Variants in CALHM4 observed in about 807,000 individuals in gnomAD.
The protein encoded by CALHM4 is calcium homeostasis modulator family member 4, also known as calcium homeostasis modulator protein 4.
Under a neutral mutation model 13.3 loss-of-function variants are expected in CALHM4, and 16 were observed. The observed-to-expected ratio is 1.20, with a 90% CI of 0.81 to 1.82. CALHM4 has a LOEUF of 1.82. Ranked by LOEUF, CALHM4 falls within the 40% of genes most tolerant of loss-of-function variation. CALHM4 has a pLI of 0.00. For synonymous variants in CALHM4, 127 were observed against 137.1 expected (o/e 0.93, Z 0.52); for missense variants, 344 against 374.9 (o/e 0.92, Z 0.68).
upstream of CALHM4, among the ~76,000 whole-genome samples, chr6:116,550,683 T>G (rs1774037520): frequency 6.6e-6 from 1 of 152,198 alleles, no homozygotes; most frequent in South Asian, 2.1e-4. Context: ...CCTGTCAATA[T>G]TCTCTTTGTA....
intron 2 of CALHM4, among the ~76,000 whole-genome samples, chr6:116,548,471 C>T (rs1773907282): frequency 6.6e-6 from 1 of 152,198 alleles, no homozygotes; most frequent in Non-Finnish European, 1.5e-5. Context: ...GTTCTTTCAA[C>T]AGTAAGCAAT....
At chr6:116,532,138 T>C (rs1456738089) in intron 1 of CALHM4, among the ~76,000 whole-genome samples, 2 of 152,196 alleles carry the variant, frequency 1.3e-5, no homozygotes, top group Non-Finnish European at 2.9e-5. Context: ...GTGTTAGTAT[T>C]GAGCAGACAG....
chr6:116,530,902 C>CATATATATATATATATAT (rs10557481), intron 1 of CALHM4, among the ~76,000 whole-genome samples: 1 of 76,470 alleles, frequency 1.3e-5, no homozygotes, highest in African/African-American at 5.5e-5. Flanking sequence ...AAGTGAGACT[C>CATATATATATATATATAT]ATATATATAT....
chr6:116,556,182 G>A (rs1774307718), intron 1 of CALHM4, among the ~76,000 whole-genome samples: 1 of 152,028 alleles, frequency 6.6e-6, no homozygotes, highest in Non-Finnish European at 1.5e-5. Flanking sequence ...ATCTCCTCTG[G>A]GAAGTATTCC....
chr6:116,530,120 T>G lies in CALHM4; in HGVS notation c.-109+930T>G, dbSNP rs1484461978. Among the ~76,000 whole-genome samples the G allele has an allele frequency of 2.2e-4, 33 of 152,128 alleles. 1 individual carries two copies. The highest frequency in any genetic ancestry group is 2.2e-3 in the Admixed American group (33 of 15,274). On this transcript the variant is annotated intron_variant, in intron 1 of 2. Coordinates refer to the CALHM4 transcript ENST00000368597. The stretch of plus-strand genomic sequence containing the variant: ...TGGTGACTTTTAGAGAAGTATTTGT[T>G]TTTAAGATGCATGTTATTTAGAAAA...
chr6:116,550,053 T>C (rs1281927232), upstream of CALHM4, among the ~76,000 whole-genome samples: 3 of 144,088 alleles, frequency 2.1e-5, no homozygotes, highest in Admixed American at 1.4e-4. Flanking sequence ...CACACATCCA[T>C]AATTATAAAA....
chr6:116,543,395 T>A, intron 1 of CALHM4: 3 of 1,548,730 alleles, frequency 1.9e-6, no homozygotes, highest in Non-Finnish European at 2.6e-6. Flanking sequence ...CAAAGAGATC[T>A]TTATTCTGGA....
chr6:116,543,172 T>A, intron 1 of CALHM4: 1 of 640,714 alleles, frequency 1.6e-6, no homozygotes, highest in Non-Finnish European at 2.6e-6. Flanking sequence ...TATGTTCAGC[T>A]TTCAGATGTG....
At chr6:116,553,552 G>C (rs778775640), upstream of CALHM4, among the ~76,000 whole-genome samples, 2 of 152,072 alleles carry the variant, frequency 1.3e-5, no homozygotes, top group African/African-American at 4.8e-5. Context: ...TTAAAAAAAA[G>C]AAACTCCCCC....
At chr6:116,556,338 T>A (rs538830605) in intron 1 of CALHM4, among the ~76,000 whole-genome samples, 2 of 152,182 alleles carry the variant, frequency 1.3e-5, no homozygotes, top group Non-Finnish European at 2.9e-5. Context: ...ATAGAGAAAA[T>A]GAATGCATCT....
At chr6:116,545,964 G>A (rs1001335314) in intron 2 of CALHM4, among the ~76,000 whole-genome samples, 2 of 152,200 alleles carry the variant, frequency 1.3e-5, no homozygotes, top group African/African-American at 4.8e-5. Flanking sequence ...TGGATTGATT[G>A]TTGTAAGAAT....
intron 2 of CALHM4, chr6:116,543,946 C>A (rs1447004950): frequency 9.4e-6 from 11 of 1,173,316 alleles, no homozygotes; most frequent in Non-Finnish European, 1.2e-5. Flanking sequence ...AAAATATGTC[C>A]CATTTTTAGA....
chr6:116,557,856 C>A lies in CALHM4; in HGVS notation c.590C>A (p.Thr197Asn), dbSNP rs955918587. 6.2e-7 allele frequency: 1 copy of A among 1,613,916 alleles called. No homozygotes were observed. The highest frequency in any genetic ancestry group is 1.3e-5 in the African/African-American group (1 of 75,000). The change falls in exon 2 of 2, where the codon ACC (threonine) becomes AAC (asparagine). Residue 197 changes from threonine to asparagine, a missense_variant. Transcript: ENST00000368596. ...MLGWILITLA[T>N]IAALVSCCVA... ...GGTTGGATTTTGATCACCTTGGCAA[C>A]CATTGCTGCCTTAGTCTCCTGCTGT...
intron 1 of CALHM4, 24 bp downstream of exon 1, chr6:116,554,375 C>A: frequency 6.7e-7 from 1 of 1,496,080 alleles, no homozygotes; most frequent in Non-Finnish European, 8.9e-7. Flanking sequence ...ATTTTTTTCC[C>A]TCTGCTATGT....
intron 1 of CALHM4, chr6:116,543,708 A>G: frequency 1.0e-5 from 10 of 969,248 alleles, no homozygotes; most frequent in South Asian, 1.5e-5. Flanking sequence ...TTTTAAAAAT[A>G]CTAATTTCTA....
upstream of CALHM4, among the ~76,000 whole-genome samples, chr6:116,551,602 A>T (rs1044703259): frequency 6.6e-6 from 1 of 150,972 alleles, no homozygotes; most frequent in Non-Finnish European, 1.5e-5. Context: ...TACTTTGTTG[A>T]TTCATTCCTT....
At chr6:116,531,442 T>C (rs1441554981) in intron 1 of CALHM4, among the ~76,000 whole-genome samples, 1 of 151,858 alleles carries the variant, frequency 6.6e-6, no homozygotes, top group African/African-American at 2.4e-5. Flanking sequence ...CAGAGAAGGG[T>C]TGAGTCATGA....
chr6:116,558,102 C>G lies in CALHM4; in HGVS notation c.836C>G (p.Thr279Ser). ...CQDWKDISVP[T>S]LLCMGDDLQG... ...GACTGGAAAGATATTTCAGTACCCACTCTTTTATGCATGGGTGATGACTTG... is the reference window on the plus strand; with the variant it reads ...GACTGGAAAGATATTTCAGTACCCAGTCTTTTATGCATGGGTGATGACTTG... The change falls in exon 2 of 2, where the codon ACT becomes AGT. Residue 279 changes from threonine to serine, a missense_variant. By Grantham distance (58) the Thr-to-Ser change is moderately conservative. Coordinates refer to ENST00000368596, the MANE Select transcript of CALHM4 (RefSeq NM_001366078.2). 1 of 1,614,162 alleles carries G rather than the reference C, an allele frequency of 6.2e-7. No homozygotes were observed. The highest frequency in any genetic ancestry group is 1.6e-4 in the Middle Eastern group (1 of 6,062).
In CALHM4 at chr6:116,560,527, T is replaced by C. The variant is rs1774537333; in HGVS notation, c.*2316T>C. ...GATTCTAAGTATTCGTTGGCTCTTC[T>C]ACATGGCTTCAGAATGATTTATAGC... is the stretch of plus-strand genomic sequence containing the variant. On this transcript the variant is annotated 3_prime_UTR_variant, in exon 2 of 2. Coordinates refer to ENST00000368596, the MANE Select transcript of CALHM4 (RefSeq NM_001366078.2). Among the ~76,000 whole-genome samples, 1 of 152,088 alleles carries C rather than the reference T, an allele frequency of 6.6e-6. No homozygotes were observed. Among genetic ancestry groups the C allele is most frequent in the African/African-American group, 2.4e-5 (1 of 41,422 alleles).
Sources: allele counts gnomAD v4.1 joint callset (sites outside exome capture counted in the v4.1 genomes callset), GRCh38; gene constraint gnomAD v4.1.1; transcripts MANE v1.5; gene names NCBI Gene and HGNC (gene_info 2026-07-23, HGNC 2026-07-21).